The following ADAMTS18 variants were observed in gnomAD, a reference collection of about 807,000 sequenced individuals.
ADAMTS18 encodes the protein A disintegrin and metalloproteinase with thrombospondin motifs 18.
ADAMTS18 carries 157 observed loss-of-function variants against 165.9 expected under a neutral mutation model. The observed-to-expected ratio is 0.95, with a 90% CI of 0.83 to 1.08. The LOEUF (loss-of-function observed/expected upper bound fraction) is 1.08. Ranked by LOEUF, ADAMTS18 falls within the 50% of genes least tolerant of loss-of-function variation. The probability of loss-of-function intolerance (pLI) is 0.00; values close to 1 mark genes in which losing one functional copy is unlikely to be tolerated. For missense variants in ADAMTS18, 2,040 were observed against 1,534.0 expected, an observed-to-expected ratio of 1.33 and a Z score of -5.51; for synonymous variants, 782 against 578.2, an observed-to-expected ratio of 1.35 and a Z score of -5.06.
chr16:77,284,813 A>G (rs1302468865), intron 22 of ADAMTS18, among the ~76,000 whole-genome samples: 3 of 152,064 alleles, frequency 2.0e-5, no homozygotes, highest in Non-Finnish European at 4.4e-5. Flanking sequence ...AAGGGCTGTC[A>G]GAGGGGAGCA....
In ADAMTS18 at chr16:77,431,384, G is replaced by A; in HGVS notation, c.406C>T (p.Gln136Ter). Residue 136 changes from glutamine (Q) to a stop codon, truncating the protein, a stop_gained, in exon 3 of 23, where the codon CAG (glutamine) becomes TAG (stop). Transcript: ENST00000282849. LOFTEE classifies it high-confidence loss of function. ...AAGCATTGCTGCACCTCGGGTTTCT[G>A]AGTCTCTGAAGCACCATCTTTTCCA... The part of the protein sequence containing the change: ...VLGKDGASET[Q>*]KPEVQQCFYQ... 6.2e-7 allele frequency: 1 copy of A among 1,614,158 alleles called. No individual in the cohort carries two copies. The highest frequency in any genetic ancestry group is 2.2e-5 in the East Asian group (1 of 44,866).
At chr16:77,309,448 T>C (rs1455957905) in intron 16 of ADAMTS18, among the ~76,000 whole-genome samples, 1 of 152,176 alleles carries the variant, frequency 6.6e-6, no homozygotes, top group Non-Finnish European at 1.5e-5. Context: ...ACTGTATAAA[T>C]TGTCATCCAC....
intron 3 of ADAMTS18, among the ~76,000 whole-genome samples, chr16:77,412,766 G>A (rs1004773465): frequency 2.6e-5 from 4 of 152,080 alleles, no homozygotes; most frequent in South Asian, 2.1e-4. Flanking sequence ...AGAACAGTAT[G>A]GGTGAAAATG....
intron 3 of ADAMTS18, among the ~76,000 whole-genome samples, chr16:77,426,609 A>T (rs1281944260): frequency 6.6e-6 from 1 of 152,214 alleles, no homozygotes; most frequent in Non-Finnish European, 1.5e-5. Flanking sequence ...GTATTGCTCC[A>T]TTCTCTTCCC....
chr16:77,343,561 C>T (rs2056431335), intron 10 of ADAMTS18, among the ~76,000 whole-genome samples: 2 of 152,218 alleles, frequency 1.3e-5, no homozygotes, highest in Non-Finnish European at 2.9e-5. Flanking sequence ...GAGCAAGCTT[C>T]TGATGCTGTT....
chr16:77,289,732 C>CACCTAGGGAGTT (rs1351647774), intron 21 of ADAMTS18, among the ~76,000 whole-genome samples: 1 of 152,204 alleles, frequency 6.6e-6, no homozygotes, highest in African/African-American at 2.4e-5. Context: ...AATACAGACA[C>CACCTAGGGAGTT]ACCTAGGGAG....
intron 3 of ADAMTS18, among the ~76,000 whole-genome samples, chr16:77,377,769 A>T (rs181494057): frequency 0.013 from 2,006 of 152,324 alleles, 45 homozygotes; most frequent in African/African-American, 0.046. Flanking sequence ...TTCTTTAAAA[A>T]TTTTTTTAAA....
intron 3 of ADAMTS18, among the ~76,000 whole-genome samples, chr16:77,410,232 A>G (rs1302848347): frequency 6.6e-6 from 1 of 151,686 alleles, no homozygotes; most frequent in Non-Finnish European, 1.5e-5. Context: ...TTTCTTATTA[A>G]TGTTGGTCAT....
chr16:77,364,868 C>T (rs1398659166), intron 4 of ADAMTS18, among the ~76,000 whole-genome samples: 1 of 152,010 alleles, frequency 6.6e-6, no homozygotes, highest in African/African-American at 2.4e-5. Flanking sequence ...CAATTTGAGA[C>T]GCAAAGGTGG....
intron 7 of ADAMTS18, among the ~76,000 whole-genome samples, chr16:77,360,508 T>G (rs2056697038): frequency 6.6e-6 from 1 of 152,176 alleles, no homozygotes; most frequent in South Asian, 2.1e-4. Flanking sequence ...TGTTTTGTTT[T>G]TTCCAAGCCT....
intron 12 of ADAMTS18, among the ~76,000 whole-genome samples, chr16:77,332,307 C>A (rs143874426): frequency 6.6e-6 from 1 of 152,146 alleles, no homozygotes; most frequent in African/African-American, 2.4e-5. Flanking sequence ...AAGTCAGTTT[C>A]GTCAGTAAAG....
rs114990192 is a variant in ADAMTS18 at position 77,431,154 on chromosome 16, A to G, written c.495+141T>C. The stretch of plus-strand genomic sequence containing the variant: ...TCTGGGAGCACATTAGATTAATTCA[A>G]TTGAGAATATTAGAAGTATCAAGGC... On this transcript the variant is annotated intron_variant, in intron 3 of 22. Coordinates refer to ENST00000282849, the MANE Select transcript of ADAMTS18 (RefSeq NM_199355.4). 4.6e-5 allele frequency: 40 copies of G among 864,752 alleles called. No individual in the cohort carries two copies. The South Asian group carries it at 6.0e-4, about 13-fold the overall frequency. The allele number at this position is 864,752 out of a possible 1,614,324, so 53.6% of individuals were successfully genotyped here.
chr16:77,371,966 C>G (rs1302460908), intron 3 of ADAMTS18, among the ~76,000 whole-genome samples: 2 of 152,016 alleles, frequency 1.3e-5, no homozygotes, highest in Admixed American at 1.3e-4. Flanking sequence ...GGCCAAAAAA[C>G]CTAAATAAAT....
intron 10 of ADAMTS18, 126 bp downstream of exon 10, chr16:77,353,607 C>G: frequency 7.7e-7 from 1 of 1,304,436 alleles, no homozygotes; most frequent in South Asian, 1.2e-5. Flanking sequence ...TGCCAAACAA[C>G]TGACACGGTA....
intron 3 of ADAMTS18, among the ~76,000 whole-genome samples, chr16:77,427,822 A>G (rs1334157010): frequency 6.6e-6 from 1 of 152,236 alleles, no homozygotes; most frequent in Non-Finnish European, 1.5e-5. Flanking sequence ...AAATTATTAC[A>G]AATATTTCAA....
intron 3 of ADAMTS18, among the ~76,000 whole-genome samples, chr16:77,423,337 G>C (rs1280640195): frequency 6.6e-6 from 1 of 152,134 alleles, no homozygotes; most frequent in African/African-American, 2.4e-5. Flanking sequence ...ACTGTCAGCA[G>C]TCAATTTTGA....
At chr16:77,323,750 T>A (rs1476286339) in intron 13 of ADAMTS18, among the ~76,000 whole-genome samples, 1 of 152,172 alleles carries the variant, frequency 6.6e-6, no homozygotes, top group Non-Finnish European at 1.5e-5. Context: ...TCCTCTGATA[T>A]AAGTATCAAA....
At chr16:77,433,626 T>A (rs1487962507) in intron 2 of ADAMTS18, among the ~76,000 whole-genome samples, 4 of 152,072 alleles carry the variant, frequency 2.6e-5, no homozygotes, top group Non-Finnish European at 4.4e-5. Flanking sequence ...CCTGCCCCAC[T>A]CCCCATTCCC....
chr16:77,362,403 A>T (rs948256458), intron 6 of ADAMTS18, 139 bp from the exon 7 acceptor site: 6 of 878,494 alleles, frequency 6.8e-6, no homozygotes, highest in Non-Finnish European at 1.1e-5. Flanking sequence ...GGTAGGAGAC[A>T]GGAAAATCTC....
Sources: allele counts gnomAD v4.1 joint callset (sites outside exome capture counted in the v4.1 genomes callset), GRCh38; gene constraint gnomAD v4.1.1; transcripts MANE v1.5; gene names NCBI Gene and HGNC (gene_info 2026-07-23, HGNC 2026-07-21).